The following GSN variants were observed in gnomAD, a reference collection of about 807,000 sequenced individuals.
The protein encoded by GSN is gelsolin.
A neutral mutation model predicts 85.7 loss-of-function variants in GSN; 56 were observed. The ratio of observed to expected loss-of-function variants is 0.65; its 90% CI spans 0.53 to 0.82. GSN has a LOEUF of 0.82. Among genes scored for constraint, GSN ranks in the 40% least tolerant of loss-of-function variants. GSN has a pLI of 0.00. For synonymous variants in GSN, 373 were observed against 399.1 expected, an observed-to-expected ratio of 0.93 and a Z score of 0.78; for missense variants, 857 against 979.8, an observed-to-expected ratio of 0.87 and a Z score of 1.67.
At chr9:121,263,775 A>C (rs2055136768), upstream of GSN, among the ~76,000 whole-genome samples, 1 of 151,848 alleles carries the variant, frequency 6.6e-6, no homozygotes, top group Non-Finnish European at 1.5e-5. Context: ...CTGTAATCCC[A>C]GCTACTAGGA....
chr9:121,230,859 T>G (rs2054374720), intron 4 of GSN, among the ~76,000 whole-genome samples: 1 of 152,186 alleles, frequency 6.6e-6, no homozygotes, highest in African/African-American at 2.4e-5. Flanking sequence ...TTTAGATTCT[T>G]AAAGACCCTC....
At chr9:121,295,761 CTGCCTACTGTG>C (rs1164264175) in intron 2 of GSN, among the ~76,000 whole-genome samples, 2 of 152,218 alleles carry the variant, frequency 1.3e-5, no homozygotes, top group Admixed American at 1.3e-4. Context: ...CACAGAGAAT[CTGCCTACTGTG>C]TGCCTGGAGC....
intron 2 of GSN, chr9:121,282,647 A>G (rs1268213387): frequency 9.3e-6 from 5 of 536,338 alleles, no homozygotes; most frequent in Admixed American, 4.2e-5. Flanking sequence ...TCACCCCATC[A>G]GCGGCTATCC....
At chr9:121,294,581 G>A (rs1394019861) in intron 2 of GSN, among the ~76,000 whole-genome samples, 1 of 152,206 alleles carries the variant, frequency 6.6e-6, no homozygotes, top group East Asian at 1.9e-4. Flanking sequence ...TGGTCCCTGA[G>A]ACAGTTGGTC....
Position 121,313,720 on chromosome 9 carries a change from T to C in GSN, c.664-214T>C. On this transcript the variant is annotated intron_variant, in intron 6 of 17. Transcript: ENST00000432226. ...AGGCAGAGGAGCAGGAGTGTTCTCC[T>C]GGAGTTTCTGAGTCAGGGAGACAAG... 4 of 611,518 alleles carry C rather than the reference T, an allele frequency of 6.5e-6. No homozygotes were observed. In the South Asian group the frequency reaches 7.5e-5, roughly 11 times the overall value. 37.9% of individuals were successfully genotyped at this position (611,518 alleles called of 1,614,324 possible). A position where few individuals can be genotyped will look rare whatever the true frequency, so the allele number is the denominator to read the frequency against.
chr9:121,329,173 C>A lies in GSN; in HGVS notation c.1888-65C>A. ...CCAGCTGTGCCACTCCCTCAGGGGG[C>A]AGATAAAGGAAGGCCACCCAGGGGA... is the stretch of plus-strand genomic sequence containing the variant. On this transcript the variant is annotated intron_variant, in intron 15 of 17. Coordinates refer to ENST00000432226, the MANE Select transcript of GSN (RefSeq NM_198252.3). This position sits in a 1 kb window ranked among gnomAD's most constrained non-coding sequence, Gnocchi z 4.6. 6.8e-7 allele frequency: 1 copy of A among 1,461,612 alleles called. No individual in the cohort carries two copies. The highest frequency in any genetic ancestry group is 9.6e-7 in the Non-Finnish European group (1 of 1,042,598). The allele number at this position is 1,461,612 out of a possible 1,614,324, so 90.5% of individuals were successfully genotyped here.
intron 4 of GSN, among the ~76,000 whole-genome samples, chr9:121,220,452 G>T (rs2054149574): frequency 1.4e-5 from 1 of 72,744 alleles, no homozygotes. Context: ...AAGCCGAGGG[G>T]GTAGGTTCTG....
chr9:121,213,966 C>T (rs1020508569), intron 4 of GSN, among the ~76,000 whole-genome samples: 1 of 152,232 alleles, frequency 6.6e-6, no homozygotes, highest in Non-Finnish European at 1.5e-5. Flanking sequence ...GACAAAAGCA[C>T]AGACTGCTGT....
intron 5 of GSN, among the ~76,000 whole-genome samples, chr9:121,235,114 T>C (rs1175209505): frequency 6.6e-6 from 1 of 152,214 alleles, no homozygotes; most frequent in African/African-American, 2.4e-5. Context: ...GGCAAAGTCA[T>C]GCCGTTGGCT....
At chr9:121,252,030 T>C (rs2054849501) in intron 6 of GSN, among the ~76,000 whole-genome samples, 1 of 152,162 alleles carries the variant, frequency 6.6e-6, no homozygotes, top group African/African-American at 2.4e-5. Flanking sequence ...GAAGCATTTA[T>C]TCAACAAATG....
chr9:121,318,660 C>T lies in GSN; in HGVS notation c.976-5C>T, dbSNP rs2062002382. On this transcript the variant is annotated splice_polypyrimidine_tract_variant and splice_region_variant and intron_variant, in intron 9 of 17. Transcript: ENST00000432226. The surrounding 1 kb of genome is among the most constrained non-coding windows in gnomAD (Gnocchi z 4.3). ...ACATCCTGCTCCTCTGCCTCCCCTC[C>T]CCAGGTCTCGGTCCTTCCTGAGGGC... is the stretch of plus-strand genomic sequence containing the variant. The T allele has an allele frequency of 1.2e-6, 2 of 1,608,370 alleles. No individual in the cohort carries two copies. The highest frequency in any genetic ancestry group is 1.7e-6 in the Non-Finnish European group (2 of 1,174,714).
At chr9:121,301,903 C>T in intron 2 of GSN, 60 bp from the exon 3 acceptor site, 1 of 1,612,086 alleles carries the variant, frequency 6.2e-7, no homozygotes, top group South Asian at 1.1e-5. Context: ...CTCCCTCATG[C>T]CTGGGGTCTC....
In GSN at chr9:121,286,558, G is replaced by A. The variant is rs183974331; in HGVS notation, c.-10+4996G>A. On this transcript the variant is annotated intron_variant, in intron 2 of 17. Transcript: ENST00000432226. The stretch of plus-strand genomic sequence containing the variant: ...GGCTCTGCCCCAATGCCCCTCCTCC[G>A]TGGCTCTGTTGGGCCATGGGTGCTC... 148 of 1,445,750 alleles carry A rather than the reference G, an allele frequency of 1.0e-4. 1 individual carries two copies. In the East Asian group the frequency reaches 1.2e-3, roughly 12 times the overall value. The allele number at this position is 1,445,750 out of a possible 1,614,324, so 89.6% of individuals were successfully genotyped here.
At chr9:121,321,678 G>T (rs1246617171) in intron 11 of GSN, among the ~76,000 whole-genome samples, 5 of 152,090 alleles carry the variant, frequency 3.3e-5, no homozygotes, top group Admixed American at 3.3e-4. Context: ...GCACACTAGG[G>T]TTTATCCTCC....
At chr9:121,242,882 C>T (rs1469440360) in intron 5 of GSN, among the ~76,000 whole-genome samples, 2 of 152,144 alleles carry the variant, frequency 1.3e-5, no homozygotes, top group Admixed American at 6.5e-5. Context: ...CCTATAGAAA[C>T]CCTGCCTGCT....
intron 6 of GSN, among the ~76,000 whole-genome samples, chr9:121,254,391 ATTCTTATTTAAATGT>A (rs2054904804): frequency 6.6e-6 from 1 of 152,136 alleles, no homozygotes; most frequent in South Asian, 2.1e-4. Flanking sequence ...CCTGGGTTTC[ATTCTTATTTAAATGT>A]AAGTTCTTTC....
Position 121,329,154 on chromosome 9 carries a change from G to C in GSN, c.1888-84G>C. ...GGCCCCCTGCCAGCTGCAGCCAGCT[G>C]TGCCACTCCCTCAGGGGGCAGATAA... On this transcript the variant is annotated intron_variant, in intron 15 of 17. Transcript: ENST00000432226. The surrounding 1 kb of genome is among the most constrained non-coding windows in gnomAD (Gnocchi z 4.6). 6.8e-7 allele frequency: 1 copy of C among 1,463,616 alleles called. No homozygotes were observed. Among genetic ancestry groups the C allele is most frequent in the Non-Finnish European group, 9.6e-7 (1 of 1,046,478 alleles). The allele number at this position is 1,463,616 out of a possible 1,614,324, so 90.7% of individuals were successfully genotyped here. A position where few individuals can be genotyped will look rare whatever the true frequency, so the allele number is the denominator to read the frequency against.
chr9:121,228,424 A>ATATATTT (rs1315548268), intron 4 of GSN, among the ~76,000 whole-genome samples: 2 of 48,114 alleles, frequency 4.2e-5, no homozygotes, highest in African/African-American at 1.7e-4. Context: ...ATATATATAT[A>ATATATTT]TTTTTTTTTT....
intron 6 of GSN, chr9:121,312,795 CTT>C (rs2133498323): frequency 5.1e-6 from 1 of 196,686 alleles, no homozygotes; most frequent in African/African-American, 2.3e-5. Context: ...GCCAGGCTAA[CTT>C]TTGAATTTTT....
Sources: gnomAD v4.1 joint callset for allele counts (sites outside exome capture counted in the v4.1 genomes callset) on GRCh38, gnomAD v4.1.1 for gene constraint, Gnocchi (gnomAD v3.1) non-coding constraint, MANE v1.5 for transcripts, NCBI Gene and HGNC (gene_info 2026-07-23, HGNC 2026-07-21) for gene names.